Variants in ITGA8 observed in about 807,000 individuals in gnomAD.
ITGA8 encodes integrin alpha-8.
A neutral mutation model predicts 142.3 loss-of-function variants in ITGA8; 91 were observed. The ratio of observed to expected loss-of-function variants is 0.64; its 90% CI spans 0.54 to 0.76. The LOEUF (loss-of-function observed/expected upper bound fraction) is 0.76. Among genes scored for constraint, ITGA8 ranks in the 30% least tolerant of loss-of-function variants. The pLI, the probability that ITGA8 is intolerant of heterozygous loss-of-function variation, is 0.00. For synonymous variants in ITGA8, 505 were observed against 485.2 expected (o/e 1.04, Z -0.54); for missense variants, 1,406 against 1,327.7 (o/e 1.06, Z -0.92).
chr10:15,606,493 A>G (rs1039118348), intron 17 of ITGA8, 71 bp from the exon 18 acceptor site: 19 of 1,434,560 alleles, frequency 1.3e-5, no homozygotes, highest in Non-Finnish European at 1.8e-5. Context: ...TGCAAAAGTC[A>G]GGCAACACTG....
chr10:15,699,387 A>T (rs991410981), intron 2 of ITGA8, among the ~76,000 whole-genome samples: 1 of 152,222 alleles, frequency 6.6e-6, no homozygotes, highest in African/African-American at 2.4e-5. Flanking sequence ...AGAAATATTC[A>T]TGAATAGATA....
chr10:15,519,195 C>A, intron 29 of ITGA8, 95 bp downstream of exon 29: 1 of 1,462,084 alleles, frequency 6.8e-7, no homozygotes, highest in Non-Finnish European at 9.3e-7. Flanking sequence ...CCAAAAATGC[C>A]TCCATAATTG....
chr10:15,539,211 C>T (rs1176759862), intron 27 of ITGA8, among the ~76,000 whole-genome samples: 1 of 148,052 alleles, frequency 6.8e-6, no homozygotes, highest in Admixed American at 6.6e-5. Flanking sequence ...TGGAACCTAC[C>T]TCAAACGAGG....
In ITGA8 at chr10:15,655,360, C is replaced by G; in HGVS notation, c.995G>C (p.Ser332Thr). The stretch of plus-strand genomic sequence containing the variant: ...GAGAGGTCTATAAACTTACCCATCA[C>G]TGTTAACATCTGATACGACAACGGT... ...GYTVVVSDVN[S>T]DGLDDVLVGA... Residue 332 changes from serine to threonine, a missense_variant, in exon 11 of 30, where the codon AGT (serine) becomes ACT (threonine). Coordinates refer to ENST00000378076, the MANE Select transcript of ITGA8 (RefSeq NM_003638.3). 2 of 1,594,084 alleles carry G rather than the reference C, an allele frequency of 1.3e-6. No homozygotes were observed. The highest frequency in any genetic ancestry group is 2.2e-5 in the South Asian group (2 of 90,414).
chr10:15,573,080 T>C (rs1834217033), intron 24 of ITGA8, among the ~76,000 whole-genome samples: 1 of 152,252 alleles, frequency 6.6e-6, no homozygotes, highest in African/African-American at 2.4e-5. Context: ...TTCTTTTTCT[T>C]TTTTTCTCAG....
chr10:15,519,367 T>A lies in ITGA8; in HGVS notation c.3028A>T (p.Ile1010Phe). ...IWATPNVSFS[I>F]PLWVIILAIL... Reference sequence around the variant, plus strand: ...GCTAGTATTATTACCCATAATGGGATTGAGAAGGAAACATTCGGAGTTGCC... The same window carrying A: ...GCTAGTATTATTACCCATAATGGGAATGAGAAGGAAACATTCGGAGTTGCC... Residue 1010 changes from isoleucine to phenylalanine, a missense_variant, in exon 29 of 30, where the codon ATC (isoleucine) becomes TTC (phenylalanine). Transcript: ENST00000378076. 1.2e-6 allele frequency: 2 copies of A among 1,613,716 alleles called. No homozygotes were observed. The highest frequency in any genetic ancestry group is 1.7e-6 in the Non-Finnish European group (2 of 1,179,726).
chr10:15,561,861 C>T (rs1588645650), intron 25 of ITGA8, among the ~76,000 whole-genome samples: 1 of 152,282 alleles, frequency 6.6e-6, no homozygotes, highest in Non-Finnish European at 1.5e-5. Flanking sequence ...GTTTAATTGA[C>T]TCACAGTTCT....
In ITGA8 at chr10:15,600,299, T is replaced by C. The variant is rs1021231531; in HGVS notation, c.2119-3000A>G. ...TTCAAGAACTCAGAGAATTACCCAG[T>C]TCATAGCAGTTGTTCAGTAAATGTT... is the stretch of plus-strand genomic sequence containing the variant. On this transcript the variant is annotated intron_variant, in intron 20 of 29. Transcript: ENST00000378076. Among the ~76,000 whole-genome samples the C allele has an allele frequency of 2.0e-5, 3 of 152,322 alleles. No individual in the cohort carries two copies. The East Asian group carries it at 5.8e-4, about 29-fold the overall frequency.
At chr10:15,651,085 G>C (rs1250267848) in intron 11 of ITGA8, among the ~76,000 whole-genome samples, 4 of 151,868 alleles carry the variant, frequency 2.6e-5, no homozygotes, top group Non-Finnish European at 4.4e-5. Context: ...GGCTCCTTTT[G>C]GTCCTGCAGA....
At chr10:15,671,879 C>CAAAAAAAA (rs34588118) in intron 7 of ITGA8, among the ~76,000 whole-genome samples, 1 of 79,722 alleles carries the variant, frequency 1.3e-5, no homozygotes, top group South Asian at 4.8e-4. Context: ...AGGAGCAAAG[C>CAAAAAAAA]AAAAAAAAAA....
intron 22 of ITGA8, among the ~76,000 whole-genome samples, chr10:15,588,781 T>G (rs1046725847): frequency 3.9e-5 from 6 of 152,212 alleles, no homozygotes; most frequent in Non-Finnish European, 8.8e-5. Flanking sequence ...TAAATAGACA[T>G]TGAACATTGA....
intron 13 of ITGA8, among the ~76,000 whole-genome samples, chr10:15,643,087 T>C (rs1395918516): frequency 6.6e-6 from 1 of 152,178 alleles, no homozygotes; most frequent in Non-Finnish European, 1.5e-5. Flanking sequence ...AGTGAAATAA[T>C]CTTTTAAGAC....
intron 15 of ITGA8, among the ~76,000 whole-genome samples, chr10:15,611,726 G>T (rs1379087855): frequency 6.6e-6 from 1 of 151,156 alleles, no homozygotes; most frequent in Non-Finnish European, 1.5e-5. Flanking sequence ...TGATCTGCCC[G>T]CCTTGGCCTC....
chr10:15,670,948 AC>A (rs917418327), intron 8 of ITGA8, among the ~76,000 whole-genome samples: 3 of 151,398 alleles, frequency 2.0e-5, no homozygotes, highest in African/African-American at 7.3e-5. Flanking sequence ...TGTCTGTCTG[AC>A]CCCCCACCGT....
chr10:15,704,174 T>C (rs544979697), intron 2 of ITGA8, among the ~76,000 whole-genome samples: 12 of 152,314 alleles, frequency 7.9e-5, no homozygotes, highest in Middle Eastern at 6.8e-3. Flanking sequence ...CTTCTTTCCA[T>C]CCCTGTTGCC....
chr10:15,559,948 C>T (rs572860348), intron 25 of ITGA8, among the ~76,000 whole-genome samples: 29 of 152,174 alleles, frequency 1.9e-4, no homozygotes, highest in African/African-American at 5.3e-4. Context: ...ATGTAATAAA[C>T]GTGCACATCC....
At chr10:15,666,132 G>C (rs1000475571) in intron 8 of ITGA8, among the ~76,000 whole-genome samples, 7 of 152,056 alleles carry the variant, frequency 4.6e-5, no homozygotes, top group African/African-American at 1.4e-4. Flanking sequence ...TCAAAATATT[G>C]ATTCTTCCTA....
intron 2 of ITGA8, among the ~76,000 whole-genome samples, chr10:15,712,634 T>C (rs1240156114): frequency 6.6e-6 from 1 of 151,986 alleles, no homozygotes; most frequent in African/African-American, 2.4e-5. Context: ...AATAAAAAAG[T>C]CCATGTTCAT....
intron 27 of ITGA8, among the ~76,000 whole-genome samples, chr10:15,536,649 T>G (rs1554770012): frequency 6.6e-6 from 1 of 152,186 alleles, no homozygotes; most frequent in African/African-American, 2.4e-5. Context: ...GGGGTTAATA[T>G]CCCTTGGCAA....
Sources: allele counts gnomAD v4.1 joint callset (sites outside exome capture counted in the v4.1 genomes callset), GRCh38; gene constraint gnomAD v4.1.1; transcripts MANE v1.5; gene names NCBI Gene and HGNC (gene_info 2026-07-23, HGNC 2026-07-21).